NKAIN3: variants seen among roughly 807,000 people sequenced by gnomAD.
NKAIN3 encodes sodium/potassium-transporting ATPase subunit beta-1-interacting protein 3.
A neutral mutation model predicts 30.2 loss-of-function variants in NKAIN3; 25 were observed. That is an observed-to-expected ratio of 0.83 (90% CI 0.60 to 1.16). The LOEUF (loss-of-function observed/expected upper bound fraction) is 1.16, where lower values mean the gene tolerates loss of function less well. Among genes scored for constraint, NKAIN3 ranks in the 50% most tolerant of loss-of-function variants. The probability of loss-of-function intolerance (pLI) is 0.00; values close to 1 mark genes in which losing one functional copy is unlikely to be tolerated. For missense variants in NKAIN3, 225 were observed against 254.1 expected (o/e 0.89, Z 0.78); for synonymous variants, 91 against 89.6 (o/e 1.02, Z -0.09).
At chr8:62,654,596 T>C (rs1812714502) in intron 3 of NKAIN3, among the ~76,000 whole-genome samples, 1 of 152,184 alleles carries the variant, frequency 6.6e-6, no homozygotes, top group Non-Finnish European at 1.5e-5. Context: ...GGTTCCACAG[T>C]AGCTAGAGGA....
At chr8:62,514,718 T>G (rs1807927151) in intron 1 of NKAIN3, among the ~76,000 whole-genome samples, 1 of 152,116 alleles carries the variant, frequency 6.6e-6, no homozygotes, top group Non-Finnish European at 1.5e-5. Context: ...ATGGATGTAG[T>G]GTAAGGGATG....
intron 1 of NKAIN3, among the ~76,000 whole-genome samples, chr8:62,412,933 A>AG (rs1449810348): frequency 4.7e-4 from 68 of 145,226 alleles, no homozygotes; most frequent in Admixed American, 1.2e-3. Flanking sequence ...AAAAAAAAAA[A>AG]AACAGCAAAA....
intron 4 of NKAIN3, among the ~76,000 whole-genome samples, chr8:62,788,847 A>T (rs1243907254): frequency 2.0e-5 from 3 of 151,868 alleles, no homozygotes; most frequent in African/African-American, 4.8e-5. Context: ...ATAGTTGTAG[A>T]TATGCGGCAT....
chr8:62,434,312 T>G (rs998493279), intron 1 of NKAIN3, among the ~76,000 whole-genome samples: 1 of 152,150 alleles, frequency 6.6e-6, no homozygotes, highest in African/African-American at 2.4e-5. Context: ...ACCTCATTTC[T>G]CCTTCATTCA....
intron 4 of NKAIN3, among the ~76,000 whole-genome samples, chr8:62,778,859 C>T (rs1438178382): frequency 6.6e-6 from 1 of 152,088 alleles, no homozygotes; most frequent in Non-Finnish European, 1.5e-5. Context: ...CACCTAGGCT[C>T]ACAGTGGGTA....
At chr8:62,856,821 A>C in intron 4 of NKAIN3, 10 of 615,432 alleles carry the variant, frequency 1.6e-5, no homozygotes, top group Non-Finnish European at 3.0e-5. Flanking sequence ...TCTCTGCACT[A>C]TAGAGCATCA....
At chr8:62,906,253 T>G (rs1821773055) in intron 4 of NKAIN3, among the ~76,000 whole-genome samples, 1 of 152,256 alleles carries the variant, frequency 6.6e-6, no homozygotes. Context: ...GTAAAATCCC[T>G]GCAAAGTTTC....
intron 4 of NKAIN3, among the ~76,000 whole-genome samples, chr8:62,844,609 G>T (rs547684362): frequency 8.5e-5 from 13 of 152,302 alleles, no homozygotes; most frequent in African/African-American, 2.6e-4. Flanking sequence ...AACGTTAACA[G>T]ATATTGATAG....
intron 1 of NKAIN3, among the ~76,000 whole-genome samples, chr8:62,495,331 A>T (rs902269820): frequency 3.9e-5 from 6 of 152,122 alleles, no homozygotes; most frequent in African/African-American, 1.4e-4. Flanking sequence ...GTAAAAGGAA[A>T]GACAATCTAT....
chr8:62,337,585 A>ATATATG (rs10628154), intron 1 of NKAIN3, among the ~76,000 whole-genome samples: 2 of 150,382 alleles, frequency 1.3e-5, no homozygotes, highest in African/African-American at 2.5e-5. Context: ...ATATATATAT[A>ATATATG]ACACAACACA....
intron 4 of NKAIN3, among the ~76,000 whole-genome samples, chr8:62,850,940 G>C (rs147735484): frequency 3.3e-5 from 5 of 152,008 alleles, no homozygotes; most frequent in East Asian, 3.9e-4. Context: ...GCTATGTGGG[G>C]TCTTTTTTGG....
At chr8:62,940,212 A>C (rs982018983) in intron 5 of NKAIN3, among the ~76,000 whole-genome samples, 1 of 152,126 alleles carries the variant, frequency 6.6e-6, no homozygotes, top group Non-Finnish European at 1.5e-5. Flanking sequence ...CAACAGGAAA[A>C]TATTACAATC....
chr8:62,319,665 G>C (rs142327625), intron 1 of NKAIN3, among the ~76,000 whole-genome samples: 208 of 152,244 alleles, frequency 1.4e-3, no homozygotes, highest in African/African-American at 4.7e-3. Context: ...TGAATCCTGA[G>C]TTCTAGTTTG....
intron 1 of NKAIN3, among the ~76,000 whole-genome samples, chr8:62,566,787 A>G (rs1018415034): frequency 9.9e-5 from 15 of 152,138 alleles, no homozygotes; most frequent in Admixed American, 2.6e-4. Flanking sequence ...GCAGCTTGAA[A>G]ATAAAAATCA....
chr8:62,827,113 C>G (rs1324244548), intron 4 of NKAIN3, among the ~76,000 whole-genome samples: 2 of 152,148 alleles, frequency 1.3e-5, no homozygotes, highest in African/African-American at 2.4e-5. Context: ...AGGCTGGTAT[C>G]AATAAAGAGA....
intron 1 of NKAIN3, among the ~76,000 whole-genome samples, chr8:62,454,119 G>T (rs1218507605): frequency 1.3e-5 from 2 of 151,616 alleles, no homozygotes; most frequent in Admixed American, 1.3e-4. Context: ...GAGTCACTTA[G>T]CCAATAGGTT....
chr8:62,943,468 G>GA (rs1297087194), intron 5 of NKAIN3, among the ~76,000 whole-genome samples: 1 of 151,910 alleles, frequency 6.6e-6, no homozygotes, highest in African/African-American at 2.4e-5. Flanking sequence ...AACCACTACG[G>GA]AAAAAAATGT....
At chr8:62,793,519 G>T (rs1817762848) in intron 4 of NKAIN3, among the ~76,000 whole-genome samples, 1 of 152,018 alleles carries the variant, frequency 6.6e-6, no homozygotes, top group Non-Finnish European at 1.5e-5. Context: ...TAGGCTGTGG[G>T]TTACTGGCCA....
intron 4 of NKAIN3, among the ~76,000 whole-genome samples, chr8:62,769,554 T>C (rs370625436): frequency 1.3e-5 from 2 of 152,202 alleles, no homozygotes; most frequent in South Asian, 4.1e-4. Context: ...GTTCTCAAAA[T>C]TGTTGATCAG....
Sources: allele counts gnomAD v4.1 joint callset (sites outside exome capture counted in the v4.1 genomes callset), GRCh38; gene constraint gnomAD v4.1.1; transcripts MANE v1.5; gene names NCBI Gene and HGNC (gene_info 2026-07-23, HGNC 2026-07-21).